Variants in TRAK1 observed in about 807,000 individuals in gnomAD.
The protein encoded by TRAK1 is trafficking kinesin-binding protein 1.
Under a neutral mutation model 92.1 loss-of-function variants are expected in TRAK1, and 33 were observed. The observed-to-expected ratio is 0.36, with a 90% CI of 0.27 to 0.48. The LOEUF is 0.48. Among genes scored for constraint, TRAK1 ranks in the 20% least tolerant of loss-of-function variants. TRAK1 has a pLI of 0.99. For synonymous variants in TRAK1, 521 were observed against 517.3 expected, an observed-to-expected ratio of 1.01 and a Z score of -0.10; for missense variants, 1,123 against 1,257.9, an observed-to-expected ratio of 0.89 and a Z score of 1.62.
Position 42,217,083 on chromosome 3 carries a change from TTC to T in TRAK1, c.1964-2397_1964-2396del, listed in dbSNP as rs1178020508. ...TCCTGCCAAGAAGGATGTTTTATGT[TTC>T]TCTCTCTCTCTCTTTTTTTTTTTTT... On this transcript the variant is annotated intron_variant, in intron 14 of 15. Transcript: ENST00000327628. Among the ~76,000 whole-genome samples the T allele has an allele frequency of 9.3e-5, 14 of 151,098 alleles. No homozygotes were observed. The South Asian group carries it at 1.5e-3, about 16-fold the overall frequency.
intron 2 of TRAK1, among the ~76,000 whole-genome samples, chr3:42,157,185 A>AT (rs1203331675): frequency 6.6e-6 from 1 of 151,388 alleles, no homozygotes; most frequent in Non-Finnish European, 1.5e-5. Flanking sequence ...GGGACCAGGC[A>AT]TGGTGGCTCA....
At chr3:42,068,238 A>G (rs920606803) in intron 1 of TRAK1, among the ~76,000 whole-genome samples, 2 of 151,984 alleles carry the variant, frequency 1.3e-5, no homozygotes, top group African/African-American at 4.8e-5. Flanking sequence ...AGCTCACTGC[A>G]GCCTTGAACT....
intron 1 of TRAK1, among the ~76,000 whole-genome samples, chr3:42,038,568 C>G (rs1298859994): frequency 6.6e-6 from 1 of 151,878 alleles, no homozygotes; most frequent in Non-Finnish European, 1.5e-5. Flanking sequence ...GGTGGATCAC[C>G]TGAGCTCAGG....
At chr3:42,179,108 G>A (rs1187481080) in intron 3 of TRAK1, among the ~76,000 whole-genome samples, 2 of 152,144 alleles carry the variant, frequency 1.3e-5, no homozygotes, top group Middle Eastern at 3.2e-3. Context: ...ATGAACCACC[G>A]TACCCAGCCT....
intron 1 of TRAK1, among the ~76,000 whole-genome samples, chr3:42,037,845 T>G (rs574492885): frequency 5.3e-4 from 80 of 152,296 alleles, no homozygotes; most frequent in South Asian, 1.0e-3. Flanking sequence ...TAGTGAGTGT[T>G]TGTGTGGATG....
intron 2 of TRAK1, among the ~76,000 whole-genome samples, chr3:42,156,007 A>G (rs1429304151): frequency 6.6e-6 from 1 of 151,756 alleles, no homozygotes; most frequent in African/African-American, 2.4e-5. Flanking sequence ...TGGATCAGGA[A>G]CTCACTCTCT....
intron 1 of TRAK1, among the ~76,000 whole-genome samples, chr3:42,055,485 G>T (rs894810530): frequency 1.3e-5 from 2 of 152,190 alleles, no homozygotes; most frequent in Admixed American, 6.5e-5. Context: ...TGTTGAGACA[G>T]GTTCTCTTGC....
rs76208949 is a variant in TRAK1 at position 42,172,699 on chromosome 3, G to C, written c.287-4115G>C. ...TTTTCTGTGTGCCCCAGGAGGGCAG[G>C]TGTCCTGCCTTGTTCAGTGCAGAGC... On this transcript the variant is annotated intron_variant, in intron 2 of 15. Coordinates refer to ENST00000327628, the MANE Select transcript of TRAK1 (RefSeq NM_001042646.3). Among the ~76,000 whole-genome samples the C allele has an allele frequency of 8.3e-4, 126 of 152,318 alleles. 1 individual carries two copies. Among genetic ancestry groups the C allele is most frequent in the African/African-American group, 3.0e-3 (123 of 41,550 alleles).
intron 2 of TRAK1, among the ~76,000 whole-genome samples, chr3:42,147,389 G>T (rs1699448354): frequency 6.6e-6 from 1 of 152,130 alleles, no homozygotes; most frequent in Admixed American, 6.5e-5. Context: ...TGACAGAGGG[G>T]CACAGGTCCT....
chr3:42,091,502 C>G lies in TRAK1; in HGVS notation c.33C>G (p.Val11=), dbSNP rs201790561. The part of the protein sequence containing the change: MALVFQFGQP[V]RAQPLPGLCH... ...TGGTTTTTCAATTCGGGCAGCCCGT[C>G]AGGGCTCAGCCTCTGCCAGGACTCT... The change falls in exon 1 of 16, where the codon GTC becomes GTG. Residue 11 remains valine (V), a synonymous_variant. Coordinates refer to ENST00000327628, the MANE Select transcript of TRAK1 (RefSeq NM_001042646.3). 256 of 1,613,552 alleles carry G rather than the reference C, an allele frequency of 1.6e-4. 1 individual carries two copies. The African/African-American group carries it at 2.9e-3, about 18-fold the overall frequency.
At chr3:42,035,634 G>A (rs1010491795) in intron 1 of TRAK1, among the ~76,000 whole-genome samples, 27 of 152,312 alleles carry the variant, frequency 1.8e-4, no homozygotes, top group Admixed American at 1.6e-3. Flanking sequence ...CTCCCTAATT[G>A]TCCTGTTGGA....
intron 2 of TRAK1, among the ~76,000 whole-genome samples, chr3:42,176,096 C>T (rs766731982): frequency 3.9e-5 from 6 of 152,094 alleles, no homozygotes; most frequent in Admixed American, 6.5e-5. Context: ...ATTTCTCCAA[C>T]GGAAGAAGAA....
chr3:42,157,166 A>T (rs1559846812), intron 2 of TRAK1, among the ~76,000 whole-genome samples: 1 of 151,084 alleles, frequency 6.6e-6, no homozygotes, highest in African/African-American at 2.4e-5. Flanking sequence ...AAAAAAAAAA[A>T]TTACTGATGG....
intron 1 of TRAK1, among the ~76,000 whole-genome samples, chr3:42,053,122 A>G (rs1703046418): frequency 6.6e-6 from 1 of 152,036 alleles, no homozygotes; most frequent in Non-Finnish European, 1.5e-5. Flanking sequence ...GGCTGTTTTT[A>G]TGAGATCTTG....
chr3:42,069,648 A>G (rs7612179), intron 1 of TRAK1, among the ~76,000 whole-genome samples: 77,227 of 152,014 alleles, frequency 0.51, 20,939 homozygotes, highest in South Asian at 0.68. Context: ...CTTGGCCACC[A>G]TGTGATTCTC....
intron 6 of TRAK1, among the ~76,000 whole-genome samples, chr3:42,190,515 C>T (rs1221142108): frequency 6.6e-6 from 1 of 152,172 alleles, no homozygotes; most frequent in East Asian, 1.9e-4. Context: ...GGCAACAGCC[C>T]TGTGCTCCCT....
At chr3:42,190,762 CTCTTTCTCTCCT>C (rs1397610598) in intron 6 of TRAK1, among the ~76,000 whole-genome samples, 43 of 150,868 alleles carry the variant, frequency 2.9e-4, no homozygotes, top group South Asian at 4.2e-4. Context: ...CTTTCTCTCC[CTCTTTCTCTCCT>C]CCCTCCCTCC....
chr3:42,178,684 GTCC>G (rs1703554968), intron 3 of TRAK1, among the ~76,000 whole-genome samples: 1 of 152,074 alleles, frequency 6.6e-6, no homozygotes, highest in Non-Finnish European at 1.5e-5. Context: ...GGCTCAAACA[GTCC>G]TCCTGGCCTG....
chr3:42,097,944 C>T (rs1036988364), intron 1 of TRAK1, among the ~76,000 whole-genome samples: 5 of 152,172 alleles, frequency 3.3e-5, no homozygotes, highest in African/African-American at 1.2e-4. Flanking sequence ...TATGTGAACA[C>T]CAGGGTCCAG....
Sources: allele counts gnomAD v4.1 joint callset (sites outside exome capture counted in the v4.1 genomes callset), GRCh38; gene constraint gnomAD v4.1.1; transcripts MANE v1.5; gene names NCBI Gene and HGNC (gene_info 2026-07-23, HGNC 2026-07-21).